ANKRD26: variants seen among roughly 807,000 people sequenced by gnomAD.
The protein encoded by ANKRD26 is ankyrin repeat domain-containing protein 26.
In ANKRD26, 141 loss-of-function variants were observed where a neutral mutation model predicts 208.7. The observed-to-expected ratio is 0.68, with a 90% CI of 0.59 to 0.78. The LOEUF is 0.78. Among genes scored for constraint, ANKRD26 ranks in the 30% least tolerant of loss-of-function variants. The probability of loss-of-function intolerance (pLI) is 0.00; values close to 1 mark genes in which losing one functional copy is unlikely to be tolerated. For synonymous variants in ANKRD26, 636 were observed against 660.4 expected, an observed-to-expected ratio of 0.96 and a Z score of 0.57; for missense variants, 1,889 against 1,938.7, an observed-to-expected ratio of 0.97 and a Z score of 0.48.
the ANKRD26 span, among the ~76,000 whole-genome samples, chr10:26,959,752 T>A: frequency 6.6e-6 from 1 of 151,996 alleles, no homozygotes; most frequent in African/African-American, 2.4e-5. Context: ...AGTGCTAGGA[T>A]TACAGGCATG....
the ANKRD26 span, among the ~76,000 whole-genome samples, chr10:26,968,183 G>A: frequency 3.9e-5 from 6 of 152,078 alleles, no homozygotes; most frequent in South Asian, 1.2e-3. Context: ...TCTAGGACTG[G>A]CCATACCAAA....
chr10:27,064,040 TA>T lies in ANKRD26; in HGVS notation c.1310del (p.Leu437Ter). The part of the protein sequence containing the change: ...ENFPQKYVDP[L>X]AGAADGKEKN... ...TTTCTTTTCCGTCTGCAGCCCCAGC[TA>T]AAGGATCAACATACTTCTGTGGAAA... On this transcript the variant is annotated frameshift_variant, in exon 12 of 34. Transcript: ENST00000376087. LOFTEE classifies it high-confidence loss of function. The T allele has an allele frequency of 6.2e-7, 1 of 1,611,760 alleles. No individual in the cohort carries two copies.
Position 27,005,430 on chromosome 10 carries a change from G to C in ANKRD26, c.*160C>G. 4 of 1,363,802 alleles carry C rather than the reference G, an allele frequency of 2.9e-6. No homozygotes were observed. In the South Asian group the frequency reaches 7.0e-5, roughly 24 times the overall value. 84.5% of individuals were successfully genotyped at this position (1,363,802 alleles called of 1,614,324 possible). On this transcript the variant is annotated 3_prime_UTR_variant, in exon 34 of 34. Transcript: ENST00000376087. ...TTTCATTGGCAAAATCCACTTAAAA[G>C]TTAAAGAAGCCAAGTAACATTGTTT...
In ANKRD26 at chr10:27,086,391, C is replaced by T. The variant is rs191810672; in HGVS notation, c.709+148G>A. 1,344 of 1,021,428 alleles carry T rather than the reference C, an allele frequency of 1.3e-3. 24 individuals carry two copies. The highest frequency in any genetic ancestry group is 3.3e-4 in the Non-Finnish European group (246 of 748,422). The allele number at this position is 1,021,428 out of a possible 1,614,324, so 63.3% of individuals were successfully genotyped here. ...GTAACTTCTTAAATAATTCTGAATTCTAGATTACCAAGAGAAATTAAGAAA... is the reference window on the plus strand; with the variant it reads ...GTAACTTCTTAAATAATTCTGAATTTTAGATTACCAAGAGAAATTAAGAAA... On this transcript the variant is annotated intron_variant, in intron 5 of 33. Coordinates refer to ENST00000376087, the MANE Select transcript of ANKRD26 (RefSeq NM_014915.3).
chr10:27,034,548 T>C (rs554292301), intron 24 of ANKRD26, among the ~76,000 whole-genome samples: 1 of 152,206 alleles, frequency 6.6e-6, no homozygotes, highest in Non-Finnish European at 1.5e-5. Context: ...TTATTCACAT[T>C]AGTTTACTAT....
chr10:27,079,087 A>C lies in ANKRD26; in HGVS notation c.813+2T>G. ...AATTAAGTTCATGAGAGAGCACTTT[A>C]CCTTAGTATCAAAATTGAGGTCTTC... On this transcript the variant is annotated splice_donor_variant, in intron 7 of 33. Coordinates refer to ENST00000376087, the MANE Select transcript of ANKRD26 (RefSeq NM_014915.3). LOFTEE classifies it high-confidence loss of function. 6.2e-7 allele frequency: 1 copy of C among 1,610,214 alleles called. No homozygotes were observed. The highest frequency in any genetic ancestry group is 8.5e-7 in the Non-Finnish European group (1 of 1,176,590).
In ANKRD26 at chr10:27,035,699, C is replaced by G; in HGVS notation, c.2751G>C (p.Leu917Phe). The change falls in exon 24 of 34, where the codon TTG (leucine) becomes TTC (phenylalanine). Residue 917 changes from leucine (L) to phenylalanine (F), a missense_variant. Leu to Phe is a conservative substitution (Grantham distance 22). Coordinates refer to ENST00000376087, the MANE Select transcript of ANKRD26 (RefSeq NM_014915.3). ...GTCTTAGCATAGCAATTTCTTCCTG[C>G]AACATGCTATTTTTATGCGATAGGT... ...EKDLSHKNSM[L>F]QEEIAMLRLE... is the part of the protein sequence containing the mutation. 1 of 1,604,164 alleles carries G rather than the reference C, an allele frequency of 6.2e-7. No individual in the cohort carries two copies. The highest frequency in any genetic ancestry group is 8.5e-7 in the Non-Finnish European group (1 of 1,176,974).
the ANKRD26 span, among the ~76,000 whole-genome samples, chr10:26,951,671 T>A: frequency 1.3e-5 from 2 of 152,226 alleles, no homozygotes; most frequent in African/African-American, 4.8e-5. Flanking sequence ...GTCTTTTCCA[T>A]TCATATATTT....
downstream of ANKRD26, among the ~76,000 whole-genome samples, chr10:26,990,050 C>T (rs1176902845): frequency 6.6e-6 from 1 of 152,140 alleles, no homozygotes; most frequent in Non-Finnish European, 1.5e-5. Flanking sequence ...TTTTGCTACT[C>T]TCTAGGTACC....
chr10:27,077,769 T>C, intron 7 of ANKRD26, 76 bp from the exon 8 acceptor site: 1 of 1,240,776 alleles, frequency 8.1e-7, no homozygotes, highest in Non-Finnish European at 1.1e-6. Context: ...TAATAGATAG[T>C]CACCATTACT....
the ANKRD26 span, among the ~76,000 whole-genome samples, chr10:26,964,960 C>T: frequency 5.1e-4 from 77 of 152,218 alleles, no homozygotes; most frequent in Non-Finnish European, 1.0e-3. Flanking sequence ...AAGGGCCAGG[C>T]GTGGTGGCTC....
intron 3 of ANKRD26, among the ~76,000 whole-genome samples, chr10:26,983,658 A>G (rs1406707431): frequency 6.6e-6 from 1 of 152,006 alleles, no homozygotes; most frequent in East Asian, 1.9e-4. Flanking sequence ...AATTTGCATT[A>G]CCCCATTTTG....
At position 27,044,200 on chromosome 10, in the gene ANKRD26, A is replaced by C. The variant is rs746609232; in HGVS notation, c.1986-10T>G. On this transcript the variant is annotated splice_polypyrimidine_tract_variant and intron_variant, in intron 18 of 33. Transcript: ENST00000376087. ...TGTTTTCTTAGTAGGCCTAAAAAAA[A>C]AAAATACCTTTCAGGCAAATAGTAA... 2.8e-6 allele frequency: 4 copies of C among 1,439,784 alleles called. No individual in the cohort carries two copies. In the African/African-American group the frequency reaches 5.7e-5, roughly 20 times the overall value. 89.2% of individuals were successfully genotyped at this position (1,439,784 alleles called of 1,614,324 possible).
chr10:27,046,245 G>T, intron 18 of ANKRD26, 108 bp downstream of exon 18: 1 of 1,135,434 alleles, frequency 8.8e-7, no homozygotes, highest in Non-Finnish European at 1.3e-6. Context: ...TCAGCAGCAT[G>T]GAAACAGTCG....
intron 20 of ANKRD26, among the ~76,000 whole-genome samples, chr10:27,043,160 AAAT>A (rs2054319394): frequency 6.6e-6 from 1 of 151,918 alleles, no homozygotes; most frequent in Non-Finnish European, 1.5e-5. Context: ...GTCAACAAAA[AAAT>A]AAAAAATTAA....
chr10:26,959,668 C>T, the ANKRD26 span, among the ~76,000 whole-genome samples: 6 of 144,562 alleles, frequency 4.2e-5, no homozygotes, highest in South Asian at 2.2e-4. Flanking sequence ...TTAGTAGAGA[C>T]GGGGTTTCAC....
the ANKRD26 span, among the ~76,000 whole-genome samples, chr10:26,958,496 A>T: frequency 4.6e-5 from 7 of 151,920 alleles, no homozygotes; most frequent in Non-Finnish European, 1.0e-4. Flanking sequence ...CAGTGTGCCC[A>T]TGTGTTCCCC....
the ANKRD26 span, among the ~76,000 whole-genome samples, chr10:26,967,647 A>AG: frequency 6.6e-6 from 1 of 152,182 alleles, no homozygotes; most frequent in East Asian, 1.9e-4. Flanking sequence ...ACCAAGGTTG[A>AG]TCCACAAGAA....
At chr10:27,031,498 A>G (rs2053862155) in intron 25 of ANKRD26, among the ~76,000 whole-genome samples, 1 of 152,238 alleles carries the variant, frequency 6.6e-6, no homozygotes, top group African/African-American at 2.4e-5. Context: ...TTAAGGAGAC[A>G]AAAAGTAGAT....
Sources: allele counts gnomAD v4.1 joint callset (sites outside exome capture counted in the v4.1 genomes callset), GRCh38; gene constraint gnomAD v4.1.1; transcripts MANE v1.5; gene names NCBI Gene and HGNC (gene_info 2026-07-23, HGNC 2026-07-21).